The following NAA20 variants were observed in gnomAD, a reference collection of about 807,000 sequenced individuals.
NAA20 encodes the protein N-alpha-acetyltransferase 20.
NAA20 carries 24 observed loss-of-function variants against 23.8 expected under a neutral mutation model. That is an observed-to-expected ratio of 1.01 (90% CI 0.73 to 1.42). The LOEUF (loss-of-function observed/expected upper bound fraction) is 1.42, where lower values mean the gene tolerates loss of function less well. Among genes scored for constraint, NAA20 ranks in the 40% most tolerant of loss-of-function variants. NAA20 has a pLI of 0.00. For synonymous variants in NAA20, 83 were observed against 77.7 expected (o/e 1.07, Z -0.36); for missense variants, 166 against 223.1 (o/e 0.74, Z 1.63).
At position 20,028,825 on chromosome 20, in the gene NAA20, G is replaced by GA. The variant is rs560401158; in HGVS notation, c.305+1909dup. 5.2e-3 allele frequency among the ~76,000 whole-genome samples: 794 copies of GA among 152,284 alleles called. 5 individuals are homozygous for GA. The highest frequency in any genetic ancestry group is 0.017 in the African/African-American group (724 of 41,564). ...AGTCAACTCCAAAGAAGAGAAAAAG[G>GA]AAATTAAACCAGCAAAACAAAATGC... is the stretch of plus-strand genomic sequence containing the variant. On this transcript the variant is annotated intron_variant, in intron 4 of 5. Coordinates refer to ENST00000334982, the MANE Select transcript of NAA20 (RefSeq NM_016100.5).
rs1386384694 is a variant in NAA20, at chr20:20,032,648, CT to C, written c.448del (p.Tyr150MetfsTer3). 3.1e-5 allele frequency: 49 copies of C among 1,596,340 alleles called. No individual in the cohort carries two copies. Among genetic ancestry groups the C allele is most frequent in the Non-Finnish European group, 4.2e-5 (49 of 1,172,974 alleles). On this transcript the variant is annotated frameshift_variant, in exon 5 of 6. Coordinates refer to ENST00000334982, the MANE Select transcript of NAA20 (RefSeq NM_016100.5). LOFTEE classifies it high-confidence loss of function. ...AGCAACGGGGAGCCTGATGAGGACGCTTATGGTAAGCTCCCTTCCATGGCAG... is the reference window on the plus strand; with the variant it reads ...AGCAACGGGGAGCCTGATGAGGACGCTATGGTAAGCTCCCTTCCATGGCAG... ...SASNGEPDED[A>X]YDMRKALSRD...
chr20:20,029,347 T>C (rs1369110371), intron 4 of NAA20, among the ~76,000 whole-genome samples: 1 of 152,184 alleles, frequency 6.6e-6, no homozygotes, highest in Non-Finnish European at 1.5e-5. Flanking sequence ...CTGGGAGTGG[T>C]GGCTCATGAC....
chr20:20,021,150 A>G (rs761083245), intron 1 of NAA20, among the ~76,000 whole-genome samples: 10 of 151,988 alleles, frequency 6.6e-5, no homozygotes, highest in Non-Finnish European at 8.8e-5. Context: ...GTGGGCAGAC[A>G]AGAGGAGATA....
At position 20,032,432 on chromosome 20, in the gene NAA20, T is replaced by A. The variant is rs903840366; in HGVS notation, c.306-76T>A. On this transcript the variant is annotated intron_variant, in intron 4 of 5. Coordinates refer to ENST00000334982, the MANE Select transcript of NAA20 (RefSeq NM_016100.5). ...GTCAAAGCAAGGTAAAAACACGTTT[T>A]AAAAAAAATATGTATCTATTACTTT... 7 of 1,465,194 alleles carry A rather than the reference T, an allele frequency of 4.8e-6. No homozygotes were observed. In the Admixed American group the frequency reaches 9.9e-5, roughly 21 times the overall value. The allele number at this position is 1,465,194 out of a possible 1,614,324, so 90.8% of individuals were successfully genotyped here. A position where few individuals can be genotyped will look rare whatever the true frequency, so the allele number is the denominator to read the frequency against.
In NAA20 at chr20:20,025,699, A is replaced by G; in HGVS notation, c.101A>G (p.Gln34Arg). ...TETYGIPFYL[Q>R]YLAHWPEYFI... is the part of the protein sequence containing the mutation. Reference sequence around the variant, plus strand: ...TAGTATGGGATTCCTTTCTACCTACAATACCTCGCCCACTGGCCAGAGTAT... The same window carrying G: ...TAGTATGGGATTCCTTTCTACCTACGATACCTCGCCCACTGGCCAGAGTAT... The change falls in exon 3 of 6, where the codon CAA becomes CGA. Residue 34 changes from glutamine to arginine, a missense_variant. Transcript: ENST00000334982. The G allele has an allele frequency of 6.2e-7, 1 of 1,611,872 alleles. No homozygotes were observed. Among genetic ancestry groups the G allele is most frequent in the African/African-American group, 1.3e-5 (1 of 74,984 alleles).
rs561496784 is a variant in NAA20, at chr20:20,027,797, T to C, written c.305+878T>C. On this transcript the variant is annotated intron_variant, in intron 4 of 5. Coordinates refer to ENST00000334982, the MANE Select transcript of NAA20 (RefSeq NM_016100.5). ...GGACGTGTTGTATATATCAAACCTCTTCATTACTGGAGATAAAAGAAATAC... is the reference window on the plus strand; with the variant it reads ...GGACGTGTTGTATATATCAAACCTCCTCATTACTGGAGATAAAAGAAATAC... Among the ~76,000 whole-genome samples, 67 of 151,958 alleles carry C rather than the reference T, an allele frequency of 4.4e-4. 1 individual carries two copies. The South Asian group carries it at 0.014, about 32-fold the overall frequency.
At chr20:20,029,472 C>T (rs767815807) in intron 4 of NAA20, among the ~76,000 whole-genome samples, 3 of 151,852 alleles carry the variant, frequency 2.0e-5, no homozygotes, top group African/African-American at 4.8e-5. Context: ...CAAAAATTAG[C>T]CGGGTGTGGT....
chr20:20,017,314 C>G (rs2043237414), upstream of NAA20: 1 of 1,574,594 alleles, frequency 6.4e-7, no homozygotes, highest in African/African-American at 1.4e-5. Context: ...TCGCTCGGTT[C>G]CGCGGCGGCC....
intron 1 of NAA20, among the ~76,000 whole-genome samples, chr20:20,020,969 C>T (rs1287208463): frequency 6.8e-6 from 1 of 147,576 alleles, no homozygotes; most frequent in East Asian, 2.0e-4. Flanking sequence ...CTCGCCCGCA[C>T]TCCGTGCCTA....
Sources: gnomAD v4.1 joint callset for allele counts (sites outside exome capture counted in the v4.1 genomes callset) on GRCh38, gnomAD v4.1.1 for gene constraint, MANE v1.5 for transcripts, NCBI Gene and HGNC (gene_info 2026-07-23, HGNC 2026-07-21) for gene names.